NDUFA10: variants seen among roughly 807,000 people sequenced by gnomAD.
The protein encoded by NDUFA10 is NADH:ubiquinone oxidoreductase subunit A10.
In NDUFA10, 40 loss-of-function variants were observed where a neutral mutation model predicts 47.8. That is an observed-to-expected ratio of 0.84 (90% CI 0.65 to 1.09). The LOEUF (loss-of-function observed/expected upper bound fraction) is 1.09. NDUFA10 is among the 50% of genes least tolerant of loss of function. NDUFA10 has a pLI of 0.00. For missense variants in NDUFA10, 413 were observed against 451.1 expected (o/e 0.92, Z 0.76); for synonymous variants, 183 against 172.2 (o/e 1.06, Z -0.49).
rs1694806342 is a variant in NDUFA10, at chr2:239,960,490, T to C, written c.*628A>G. 1 of 990,470 alleles carries C rather than the reference T, an allele frequency of 1.0e-6. No individual in the cohort carries two copies. Among genetic ancestry groups the C allele is most frequent in the African/African-American group, 1.7e-5 (1 of 57,292 alleles). 61.4% of individuals were successfully genotyped at this position (990,470 alleles called of 1,614,324 possible). On this transcript the variant is annotated 3_prime_UTR_variant, in exon 10 of 10. Transcript: ENST00000252711. Reference sequence around the variant, plus strand: ...GGCCACGTGAATCTTTCTCAACGTCTCTCTTAAAACATATTGTTCTGTAAA... The same window carrying C: ...GGCCACGTGAATCTTTCTCAACGTCCCTCTTAAAACATATTGTTCTGTAAA...
rs779783288 is a variant in NDUFA10 at position 239,999,489 on chromosome 2, C to T, written c.890+5721G>A. ...CTGCATGCGGGTTCCCCATCCCCCTCGGGCTCCATCTGATGCTGGACAGCC... is the reference window on the plus strand; with the variant it reads ...CTGCATGCGGGTTCCCCATCCCCCTTGGGCTCCATCTGATGCTGGACAGCC... On this transcript the variant is annotated intron_variant, in intron 8 of 9. Coordinates refer to ENST00000252711, the MANE Select transcript of NDUFA10 (RefSeq NM_004544.4). 4.5e-4 allele frequency among the ~76,000 whole-genome samples: 69 copies of T among 152,290 alleles called. 1 individual carries two copies. The highest frequency in any genetic ancestry group is 8.5e-4 in the Non-Finnish European group (58 of 68,022).
intron 4 of NDUFA10, among the ~76,000 whole-genome samples, chr2:239,900,480 C>T (rs1693523973): frequency 6.6e-6 from 1 of 151,986 alleles, no homozygotes; most frequent in Non-Finnish European, 1.5e-5. Flanking sequence ...TTATCTTTGT[C>T]TCTGCCAAAT....
intron 9 of NDUFA10, among the ~76,000 whole-genome samples, chr2:239,983,284 T>A (rs969651227): frequency 2.6e-5 from 4 of 152,166 alleles, no homozygotes; most frequent in African/African-American, 4.8e-5. Flanking sequence ...CAGCTGCACA[T>A]GAAACCCAGA....
intron 3 of NDUFA10, among the ~76,000 whole-genome samples, chr2:240,020,128 A>G (rs944974915): frequency 6.6e-6 from 1 of 152,210 alleles, no homozygotes; most frequent in Non-Finnish European, 1.5e-5. Context: ...CTGAAGGAGC[A>G]TAGGCAGCGG....
At chr2:240,019,540 C>T (rs145323597) in intron 3 of NDUFA10, among the ~76,000 whole-genome samples, 7,768 of 34,186 alleles carry the variant, frequency 0.23, 2,853 homozygotes, top group African/African-American at 0.37. Context: ...ACGTGGAGGC[C>T]GGGCGCGGTG....
At chr2:239,980,910 T>G (rs1172803913) in intron 9 of NDUFA10, among the ~76,000 whole-genome samples, 1 of 152,216 alleles carries the variant, frequency 6.6e-6, no homozygotes, top group Non-Finnish European at 1.5e-5. Context: ...AGACCCCAGC[T>G]GGCACCCAGT....
chr2:239,931,831 C>CTTTTTTT (rs35581568), intron 4 of NDUFA10, among the ~76,000 whole-genome samples: 45 of 90,178 alleles, frequency 5.0e-4, no homozygotes, highest in East Asian at 1.1e-3. Context: ...TGCACCTCTG[C>CTTTTTTT]TTTTTTTTTT....
At chr2:239,910,598 A>G (rs888690128) in intron 4 of NDUFA10, among the ~76,000 whole-genome samples, 1 of 152,128 alleles carries the variant, frequency 6.6e-6, no homozygotes, top group Admixed American at 6.5e-5. Flanking sequence ...CAGGAAGAGT[A>G]GCTATGGATG....
At chr2:239,996,091 G>A (rs4853975) in intron 8 of NDUFA10, among the ~76,000 whole-genome samples, 87,342 of 151,856 alleles carry the variant, frequency 0.58, 25,251 homozygotes, top group Admixed American at 0.6. Flanking sequence ...TCCAGCAGAG[G>A]GAAAATCAGT....
intron 9 of NDUFA10, chr2:239,973,784 C>G (rs1695398807): frequency 2.8e-6 from 1 of 353,438 alleles, no homozygotes; most frequent in Non-Finnish European, 5.7e-6. Context: ...GTCCTGCACA[C>G]ATTCAGTATT....
intron 5 of NDUFA10, chr2:240,014,336 T>C (rs1404296060): frequency 1.3e-5 from 4 of 312,400 alleles, no homozygotes; most frequent in South Asian, 2.9e-5. Flanking sequence ...TTAAATAGAT[T>C]GAAGTGATGA....
At chr2:239,920,920 G>A (rs995229139) in intron 4 of NDUFA10, among the ~76,000 whole-genome samples, 9 of 152,100 alleles carry the variant, frequency 5.9e-5, no homozygotes, top group African/African-American at 9.7e-5. Flanking sequence ...AGTCTCCCCA[G>A]GTGGGCAGGT....
At chr2:240,011,887 A>G (rs1697158961) in intron 5 of NDUFA10, 191 bp from the exon 6 acceptor site, 4 of 637,572 alleles carry the variant, frequency 6.3e-6, no homozygotes. Context: ...TACTACAGTG[A>G]ACACCTGAGC....
intron 4 of NDUFA10, among the ~76,000 whole-genome samples, chr2:239,921,371 A>G (rs2106368265): frequency 7.1e-6 from 1 of 140,672 alleles, no homozygotes; most frequent in South Asian, 2.2e-4. Context: ...ACAGCGTGGA[A>G]AGGAACCCAA....
At chr2:240,001,067 G>C (rs1305623860) in intron 8 of NDUFA10, among the ~76,000 whole-genome samples, 1 of 152,200 alleles carries the variant, frequency 6.6e-6, no homozygotes, top group African/African-American at 2.4e-5. Flanking sequence ...TCCCACCAAG[G>C]GGCAGGGCAC....
intron 4 of NDUFA10, among the ~76,000 whole-genome samples, chr2:239,917,103 C>G (rs1693892887): frequency 1.3e-5 from 2 of 152,064 alleles, no homozygotes; most frequent in African/African-American, 4.8e-5. Context: ...GGGGTGGGGT[C>G]TCAGGTTAGG....
chr2:240,014,899 C>A, intron 4 of NDUFA10, 39 bp from the exon 5 acceptor site: 1 of 1,613,742 alleles, frequency 6.2e-7, no homozygotes, highest in Non-Finnish European at 8.5e-7. Flanking sequence ...ACCTACCAGT[C>A]CCCACACGGG....
intron 4 of NDUFA10, among the ~76,000 whole-genome samples, chr2:239,924,910 T>C (rs980863516): frequency 2.0e-5 from 3 of 152,140 alleles, no homozygotes; most frequent in Non-Finnish European, 2.9e-5. Flanking sequence ...TTCTGTATAA[T>C]AGCAATGAGC....
At chr2:239,926,155 G>A (rs1287597019) in intron 4 of NDUFA10, among the ~76,000 whole-genome samples, 1 of 152,142 alleles carries the variant, frequency 6.6e-6, no homozygotes, top group African/African-American at 2.4e-5. Context: ...TTACACCAGA[G>A]GAATGAAACT....
Sources: gnomAD v4.1 joint callset for allele counts (sites outside exome capture counted in the v4.1 genomes callset) on GRCh38, gnomAD v4.1.1 for gene constraint, MANE v1.5 for transcripts, NCBI Gene and HGNC (gene_info 2026-07-23, HGNC 2026-07-21) for gene names.